ANXA10: variants seen among roughly 807,000 people sequenced by gnomAD.
ANXA10 encodes the protein annexin 14.
Under a neutral mutation model 53.5 loss-of-function variants are expected in ANXA10, and 49 were observed. The ratio of observed to expected loss-of-function variants is 0.92; its 90% CI spans 0.73 to 1.16. The LOEUF is 1.16. Among genes scored for constraint, ANXA10 ranks in the 50% most tolerant of loss-of-function variants. ANXA10 has a pLI of 0.00. For synonymous variants in ANXA10, 131 were observed against 128.9 expected (o/e 1.02, Z -0.11); for missense variants, 393 against 394.4 (o/e 1.00, Z 0.03).
At chr4:168,095,345 A>G (rs1730524860) in intron 1 of ANXA10, among the ~76,000 whole-genome samples, 1 of 151,968 alleles carries the variant, frequency 6.6e-6, no homozygotes, top group South Asian at 2.1e-4. Context: ...ATAGGATTAG[A>G]GTTAACTTTA....
chr4:168,127,592 C>T (rs956817862), intron 1 of ANXA10, among the ~76,000 whole-genome samples: 6 of 151,736 alleles, frequency 4.0e-5, no homozygotes, highest in Non-Finnish European at 8.8e-5. Context: ...TAATTTGATT[C>T]TCCCATTTTT....
intron 1 of ANXA10, among the ~76,000 whole-genome samples, chr4:168,095,971 G>A (rs1197079593): frequency 2.0e-5 from 3 of 152,170 alleles, no homozygotes; most frequent in Non-Finnish European, 4.4e-5. Context: ...TCAGGCAACA[G>A]CATGTTAGGC....
chr4:168,096,746 A>G (rs1404087248), intron 1 of ANXA10, among the ~76,000 whole-genome samples: 1 of 151,634 alleles, frequency 6.6e-6, no homozygotes, highest in Non-Finnish European at 1.5e-5. Context: ...CACCAAGAAG[A>G]GTATCTGGAG....
intron 11 of ANXA10, among the ~76,000 whole-genome samples, chr4:168,186,549 T>C (rs945590776): frequency 6.6e-6 from 1 of 152,176 alleles, no homozygotes; most frequent in African/African-American, 2.4e-5. Context: ...GAGCTTAGAA[T>C]GAGAAGAAGG....
intron 3 of ANXA10, among the ~76,000 whole-genome samples, chr4:168,156,198 A>ATATTATATT (rs1491176698): frequency 3.3e-4 from 4 of 12,028 alleles, no homozygotes; most frequent in Non-Finnish European, 5.0e-4. Context: ...TATTATATAT[A>ATATTATATT]ATATATATTA....
chr4:168,180,880 T>A (rs1205745387), intron 9 of ANXA10, among the ~76,000 whole-genome samples: 2 of 152,160 alleles, frequency 1.3e-5, no homozygotes, highest in Non-Finnish European at 2.9e-5. Flanking sequence ...CTCTAGGCTG[T>A]CCTACCACCT....
At chr4:168,099,880 T>A (rs1730613092) in intron 1 of ANXA10, among the ~76,000 whole-genome samples, 1 of 152,126 alleles carries the variant, frequency 6.6e-6, no homozygotes, top group African/African-American at 2.4e-5. Flanking sequence ...CCTCTCAGAA[T>A]CACTGGGTTA....
intron 9 of ANXA10, among the ~76,000 whole-genome samples, chr4:168,180,001 G>A (rs184051440): frequency 2.6e-4 from 40 of 152,236 alleles, no homozygotes; most frequent in Admixed American, 1.7e-3. Context: ...TATCTCCATC[G>A]AAGGCGTAGT....
At chr4:168,152,381 G>A (rs1731512915) in intron 3 of ANXA10, among the ~76,000 whole-genome samples, 2 of 152,278 alleles carry the variant, frequency 1.3e-5, no homozygotes, top group African/African-American at 4.8e-5. Context: ...GCCAGAGCAA[G>A]AGAAATCAGG....
intron 6 of ANXA10, among the ~76,000 whole-genome samples, chr4:168,168,269 G>A (rs537900243): frequency 6.6e-6 from 1 of 152,274 alleles, no homozygotes; most frequent in African/African-American, 2.4e-5. Flanking sequence ...AAGTGTTCAT[G>A]AGCCTTGTTG....
chr4:168,121,922 C>A lies in ANXA10; in HGVS notation c.19-6162C>A, dbSNP rs531324768. ...GCAGTGGTGCAGTCTCCACTCACGG[C>A]AACCTCCACCTCCTGGGTTCAAGCA... On this transcript the variant is annotated intron_variant, in intron 1 of 11. Transcript: ENST00000359299. 3.9e-5 allele frequency among the ~76,000 whole-genome samples: 6 copies of A among 152,304 alleles called. No individual in the cohort carries two copies. The South Asian group carries it at 1.2e-3, about 32-fold the overall frequency.
chr4:168,153,957 G>C (rs1243687268), intron 3 of ANXA10, among the ~76,000 whole-genome samples: 1 of 149,474 alleles, frequency 6.7e-6, no homozygotes, highest in East Asian at 2.0e-4. Context: ...TACAAAATTA[G>C]TTCACTGTAA....
chr4:168,153,433 AAAAAAAAACAAAAACAAAAACAAAAC>A (rs1459954863), intron 3 of ANXA10, among the ~76,000 whole-genome samples: 6 of 59,050 alleles, frequency 1.0e-4, no homozygotes, highest in Admixed American at 5.1e-4. Context: ...AAAAAAAAAA[AAAAAAAAACAAAAACAAAAACAAAAC>A]AAAAAAAAAA....
At chr4:168,153,442 C>CA (rs1560782282) in intron 3 of ANXA10, among the ~76,000 whole-genome samples, 2 of 42,934 alleles carry the variant, frequency 4.7e-5, no homozygotes, top group African/African-American at 9.9e-5. Context: ...AAAAAAAAAA[C>CA]AAAAACAAAA....
chr4:168,169,822 T>C (rs1731949911), intron 6 of ANXA10, among the ~76,000 whole-genome samples: 1 of 152,226 alleles, frequency 6.6e-6, no homozygotes, highest in Admixed American at 6.5e-5. Context: ...TCAAATCCTC[T>C]TAGCATTTCT....
chr4:168,142,166 A>G (rs1731338278), intron 3 of ANXA10, among the ~76,000 whole-genome samples: 1 of 152,018 alleles, frequency 6.6e-6, no homozygotes, highest in African/African-American at 2.4e-5. Context: ...AAGACTTCCC[A>G]AGCTTTTCCT....
At chr4:168,176,065 T>G (rs1184298702) in intron 6 of ANXA10, among the ~76,000 whole-genome samples, 1 of 152,192 alleles carries the variant, frequency 6.6e-6, no homozygotes, top group African/African-American at 2.4e-5. Context: ...TCCTCCTCCT[T>G]TCTTTCCAAG....
At chr4:168,140,220 A>C (rs1731303667) in intron 3 of ANXA10, among the ~76,000 whole-genome samples, 1 of 152,108 alleles carries the variant, frequency 6.6e-6, no homozygotes, top group Non-Finnish European at 1.5e-5. Flanking sequence ...CAGAACAAAA[A>C]CTCTTCAGGC....
chr4:168,127,795 G>C (rs746960648), intron 1 of ANXA10: 1 of 388,898 alleles, frequency 2.6e-6, no homozygotes, highest in Non-Finnish European at 4.5e-6. Flanking sequence ...ATTTTCATTT[G>C]TCTGGAAAAC....
Sources: gnomAD v4.1 joint callset for allele counts (sites outside exome capture counted in the v4.1 genomes callset) on GRCh38, gnomAD v4.1.1 for gene constraint, MANE v1.5 for transcripts, NCBI Gene and HGNC (gene_info 2026-07-23, HGNC 2026-07-21) for gene names.